MYO1E: variants seen among roughly 807,000 people sequenced by gnomAD.
MYO1E encodes unconventional myosin-Ie.
In MYO1E, 68 loss-of-function variants were observed where a neutral mutation model predicts 151.1. The observed-to-expected ratio is 0.45, with a 90% CI of 0.37 to 0.55. MYO1E has a LOEUF of 0.55. Among genes scored for constraint, MYO1E ranks in the 20% least tolerant of loss-of-function variants. MYO1E has a pLI of 0.00. For missense variants in MYO1E, 1,363 were observed against 1,389.3 expected (o/e 0.98, Z 0.30); for synonymous variants, 601 against 501.7 (o/e 1.20, Z -2.64).
chr15:59,313,439 T>A (rs1418211393), intron 1 of MYO1E, among the ~76,000 whole-genome samples: 2 of 152,188 alleles, frequency 1.3e-5, no homozygotes, highest in Non-Finnish European at 2.9e-5. Context: ...ATAAAGTGAC[T>A]TAATTGTGGT....
chr15:59,176,144 T>C (rs1251927678), intron 19 of MYO1E, among the ~76,000 whole-genome samples: 2 of 151,990 alleles, frequency 1.3e-5, no homozygotes, highest in Non-Finnish European at 2.9e-5. Context: ...CTGCAAGCTC[T>C]GCCTCCTGGG....
At chr15:59,149,273 G>C (rs1246628869) in intron 26 of MYO1E, among the ~76,000 whole-genome samples, 1 of 152,166 alleles carries the variant, frequency 6.6e-6, no homozygotes, top group East Asian at 1.9e-4. Flanking sequence ...AATCAGGATG[G>C]TCTTGATCTC....
At chr15:59,362,934 T>C (rs1378181855) in intron 1 of MYO1E, among the ~76,000 whole-genome samples, 4 of 152,148 alleles carry the variant, frequency 2.6e-5, no homozygotes, top group Non-Finnish European at 4.4e-5. Flanking sequence ...TTCTATTTTT[T>C]TTAATCCTAG....
intron 1 of MYO1E, among the ~76,000 whole-genome samples, chr15:59,277,680 T>G (rs1264341801): frequency 6.6e-6 from 1 of 152,146 alleles, no homozygotes; most frequent in Non-Finnish European, 1.5e-5. Flanking sequence ...GTAGCAAAGT[T>G]TGTAATAGGG....
At chr15:59,192,203 T>C (rs904183724) in intron 17 of MYO1E, among the ~76,000 whole-genome samples, 1 of 148,634 alleles carries the variant, frequency 6.7e-6, no homozygotes, top group African/African-American at 2.6e-5. Context: ...GAATTATAAA[T>C]CAACGCTCGA....
At chr15:59,140,800 C>T (rs935429624) in intron 26 of MYO1E, among the ~76,000 whole-genome samples, 7 of 152,258 alleles carry the variant, frequency 4.6e-5, no homozygotes, top group South Asian at 2.1e-4. Context: ...AGGGGCTGGG[C>T]GCCCCTGAGA....
intron 1 of MYO1E, among the ~76,000 whole-genome samples, chr15:59,319,409 T>C (rs781715055): frequency 2.0e-5 from 3 of 152,078 alleles, no homozygotes; most frequent in Non-Finnish European, 4.4e-5. Flanking sequence ...ATTTTATAAT[T>C]ATTATAAAAT....
intron 12 of MYO1E, among the ~76,000 whole-genome samples, chr15:59,212,328 G>C (rs1253525729): frequency 1.4e-4 from 21 of 152,056 alleles, no homozygotes; most frequent in Admixed American, 9.8e-4. Flanking sequence ...CCTTAGAGTA[G>C]CTACAGCAAA....
rs575069224 is a variant in MYO1E, at chr15:59,263,308, TAAATA to T, written c.148-1804_148-1800del. 2.3e-3 allele frequency among the ~76,000 whole-genome samples: 349 copies of T among 152,326 alleles called. 2 individuals carry two copies. The highest frequency in any genetic ancestry group is 4.0e-3 in the Non-Finnish European group (275 of 68,028). On this transcript the variant is annotated intron_variant, in intron 2 of 27. Coordinates refer to ENST00000288235, the MANE Select transcript of MYO1E (RefSeq NM_004998.4). ...ACCTACCTGATAGTCTCATTTTACT[TAAATA>T]AAATAATTATAGAACACTCAGCACT...
At chr15:59,360,368 A>G (rs779589361) in intron 1 of MYO1E, among the ~76,000 whole-genome samples, 59 of 152,256 alleles carry the variant, frequency 3.9e-4, no homozygotes, top group Admixed American at 1.2e-3. Context: ...GAAAAAAAAA[A>G]GAATTTTTGT....
chr15:59,211,197 C>T (rs1436838048), intron 12 of MYO1E, among the ~76,000 whole-genome samples: 1 of 112,886 alleles, frequency 8.9e-6, no homozygotes, highest in Non-Finnish European at 1.7e-5. Context: ...GAAACTCCAA[C>T]TCAAAAAAAA....
intron 12 of MYO1E, among the ~76,000 whole-genome samples, chr15:59,211,846 G>A (rs781551225): frequency 4.6e-5 from 7 of 152,014 alleles, no homozygotes; most frequent in Admixed American, 6.6e-5. Flanking sequence ...TACCATGGCC[G>A]TCTAAGTCTC....
intron 4 of MYO1E, 76 bp downstream of exon 4, chr15:59,256,208 T>C (rs2080192893): frequency 8.5e-7 from 1 of 1,179,800 alleles, no homozygotes; most frequent in Non-Finnish European, 1.3e-6. Flanking sequence ...GCAAAACCAC[T>C]GCTTATCGAC....
intron 14 of MYO1E, chr15:59,207,651 G>A (rs1463356085): frequency 1.9e-6 from 3 of 1,614,166 alleles, no homozygotes; most frequent in Non-Finnish European, 2.5e-6. Context: ...GCCATGGATG[G>A]ATCCTCGGAG....
At chr15:59,324,157 C>T (rs924563083) in intron 1 of MYO1E, among the ~76,000 whole-genome samples, 1 of 152,114 alleles carries the variant, frequency 6.6e-6, no homozygotes, top group African/African-American at 2.4e-5. Context: ...TACATATATC[C>T]GTGTGGGCAG....
At chr15:59,304,340 T>C (rs1202776482) in intron 1 of MYO1E, among the ~76,000 whole-genome samples, 1 of 152,166 alleles carries the variant, frequency 6.6e-6, no homozygotes. Context: ...AGGTCACATA[T>C]AAAGCAAAAG....
chr15:59,219,212 A>G (rs1172513020), intron 9 of MYO1E, among the ~76,000 whole-genome samples: 1 of 152,208 alleles, frequency 6.6e-6, no homozygotes, highest in African/African-American at 2.4e-5. Flanking sequence ...AAGGAGGGCT[A>G]GTGATATAAA....
In MYO1E at chr15:59,153,920, A is replaced by T. The variant is rs551700268; in HGVS notation, c.2879-129T>A. 2.4e-4 allele frequency: 204 copies of T among 843,684 alleles called. 2 individuals carry two copies. In the South Asian group the frequency reaches 2.8e-3, roughly 12 times the overall value. The allele number at this position is 843,684 out of a possible 1,614,324, so 52.3% of individuals were successfully genotyped here. A position where few individuals can be genotyped will look rare whatever the true frequency, so the allele number is the denominator to read the frequency against. ...TTCTGAGTCTCAATTTCCGCATTTG[A>T]AAAAAATGGAAGGCATCACTGCTAA... is the stretch of plus-strand genomic sequence containing the variant. On this transcript the variant is annotated intron_variant, in intron 25 of 27. Coordinates refer to ENST00000288235, the MANE Select transcript of MYO1E (RefSeq NM_004998.4).
At chr15:59,198,227 T>A (rs58948844) in intron 16 of MYO1E, among the ~76,000 whole-genome samples, 72,317 of 151,970 alleles carry the variant, frequency 0.48, 19,484 homozygotes, top group Non-Finnish European at 0.63. Context: ...TTAATCCTGA[T>A]TCCAGCCAAG....
Sources: gnomAD v4.1 joint callset for allele counts (sites outside exome capture counted in the v4.1 genomes callset) on GRCh38, gnomAD v4.1.1 for gene constraint, MANE v1.5 for transcripts, NCBI Gene and HGNC (gene_info 2026-07-23, HGNC 2026-07-21) for gene names.